Variants in GABRG3 observed in about 807,000 individuals in gnomAD.
GABRG3 encodes gamma-aminobutyric acid receptor subunit gamma-3.
Under a neutral mutation model 48.8 loss-of-function variants are expected in GABRG3, and 25 were observed. That is an observed-to-expected ratio of 0.51 (90% CI 0.37 to 0.72). The LOEUF is 0.72. Among genes scored for constraint, GABRG3 ranks in the 30% least tolerant of loss-of-function variants. GABRG3 has a pLI of 0.00. For synonymous variants in GABRG3, 227 were observed against 217.6 expected (o/e 1.04, Z -0.38); for missense variants, 394 against 577.9 (o/e 0.68, Z 3.26).
chr15:27,382,558 G>A (rs1357980057), intron 5 of GABRG3, among the ~76,000 whole-genome samples: 1 of 152,196 alleles, frequency 6.6e-6, no homozygotes, highest in African/African-American at 2.4e-5. Flanking sequence ...CACAAAAGAG[G>A]CATGACTTGA....
intron 2 of GABRG3, 148 bp downstream of exon 2, chr15:26,977,298 G>C: frequency 1.2e-6 from 1 of 825,978 alleles, no homozygotes; most frequent in Non-Finnish European, 1.9e-6. Flanking sequence ...AACTTAGTGT[G>C]ATACCAAACC....
At chr15:27,512,996 C>T (rs765488464) in intron 6 of GABRG3, among the ~76,000 whole-genome samples, 16 of 152,132 alleles carry the variant, frequency 1.1e-4, no homozygotes, top group Non-Finnish European at 1.9e-4. Context: ...AAATACTTCC[C>T]TATGATCTTG....
Position 27,160,661 on chromosome 15 carries a change from CT to C in GABRG3, c.270+133851del, listed in dbSNP as rs796608170. 7.6e-4 allele frequency among the ~76,000 whole-genome samples: 112 copies of C among 146,650 alleles called. 2 individuals are homozygous for C. Among genetic ancestry groups the C allele is most frequent in the African/African-American group, 1.6e-3 (66 of 40,200 alleles). On this transcript the variant is annotated intron_variant, in intron 3 of 9. Coordinates refer to ENST00000615808, the MANE Select transcript of GABRG3 (RefSeq NM_033223.5). ...TCCTGTTATTTCAATGAACCAGTAA[CT>C]TTTTTTTTTTCTTTTGGAGGATCTT...
chr15:27,516,372 C>T (rs1363411082), intron 6 of GABRG3, among the ~76,000 whole-genome samples: 3 of 152,118 alleles, frequency 2.0e-5, no homozygotes, highest in Admixed American at 6.5e-5. Flanking sequence ...AATTTGTACA[C>T]TTACTTCCTT....
chr15:27,358,706 T>A (rs998164769), intron 5 of GABRG3, among the ~76,000 whole-genome samples: 1 of 152,104 alleles, frequency 6.6e-6, no homozygotes, highest in African/African-American at 2.4e-5. Context: ...CCAGAGAAAG[T>A]ACTGCATAAG....
Position 27,352,041 on chromosome 15 carries a change from GTGTGTGTATGGTA to G in GABRG3, c.574+23163_574+23175del, listed in dbSNP as rs376023036. Among the ~76,000 whole-genome samples the G allele has an allele frequency of 0.012, 1,862 of 150,882 alleles. 36 individuals are homozygous for G. Among genetic ancestry groups the G allele is most frequent in the African/African-American group, 0.043 (1,769 of 41,006 alleles). The stretch of plus-strand genomic sequence containing the variant: ...TTTATGGTGTATGCGTGTATAGTGT[GTGTGTGTATGGTA>G]TGTGTGTATCGTGTGTGTGTGTATG... On this transcript the variant is annotated intron_variant, in intron 5 of 9. Transcript: ENST00000615808. The surrounding 1 kb of genome is among the most constrained non-coding windows in gnomAD (Gnocchi z 4.0).
chr15:27,290,266 G>A (rs978125323), intron 3 of GABRG3, among the ~76,000 whole-genome samples: 10 of 151,924 alleles, frequency 6.6e-5, no homozygotes, highest in African/African-American at 2.2e-4. Context: ...GACATTAGAA[G>A]AAGCAAATCT....
At chr15:27,004,200 T>C (rs1595466873) in intron 2 of GABRG3, among the ~76,000 whole-genome samples, 1 of 141,134 alleles carries the variant, frequency 7.1e-6, no homozygotes, top group African/African-American at 2.7e-5. Context: ...ACGGGGTGGC[T>C]GCCGGGCGGA....
At chr15:27,199,312 A>G (rs931055583) in intron 3 of GABRG3, among the ~76,000 whole-genome samples, 1 of 152,164 alleles carries the variant, frequency 6.6e-6, no homozygotes, top group Non-Finnish European at 1.5e-5. Context: ...TACTGCAACA[A>G]AACAACATTT....
chr15:27,093,595 C>T (rs1566933520), intron 3 of GABRG3, among the ~76,000 whole-genome samples: 1 of 151,950 alleles, frequency 6.6e-6, no homozygotes, highest in African/African-American at 2.4e-5. Flanking sequence ...TATGCATGGT[C>T]GTAGCTATGA....
At chr15:27,055,297 T>A (rs1896526945) in intron 3 of GABRG3, among the ~76,000 whole-genome samples, 1 of 152,118 alleles carries the variant, frequency 6.6e-6, no homozygotes, top group Non-Finnish European at 1.5e-5. Flanking sequence ...GACCAATCAG[T>A]ACAAAAAAAT....
chr15:27,225,448 G>A (rs549552682), intron 3 of GABRG3, among the ~76,000 whole-genome samples: 1 of 152,222 alleles, frequency 6.6e-6, no homozygotes, highest in Admixed American at 6.5e-5. Flanking sequence ...GCTGCCGATT[G>A]TTTAGTCTGA....
intron 5 of GABRG3, among the ~76,000 whole-genome samples, chr15:27,414,205 C>T (rs1378740082): frequency 6.6e-6 from 1 of 152,200 alleles, no homozygotes; most frequent in Non-Finnish European, 1.5e-5. Context: ...TACCTCTTCT[C>T]TCCCCTTGGG....
chr15:27,040,222 G>A (rs1418582005), intron 3 of GABRG3, among the ~76,000 whole-genome samples: 1 of 152,240 alleles, frequency 6.6e-6, no homozygotes, highest in African/African-American at 2.4e-5. Flanking sequence ...GAGCTGCCAG[G>A]CTTCCGTCCA....
chr15:27,130,952 C>A (rs1897905949), intron 3 of GABRG3, among the ~76,000 whole-genome samples: 1 of 151,914 alleles, frequency 6.6e-6, no homozygotes, highest in African/African-American at 2.4e-5. Context: ...AATCTTTAGG[C>A]TTTTCTACAT....
At chr15:27,373,023 T>A (rs1455568019) in intron 5 of GABRG3, among the ~76,000 whole-genome samples, 1 of 152,174 alleles carries the variant, frequency 6.6e-6, no homozygotes, top group Non-Finnish European at 1.5e-5. Context: ...ATGACTTCCC[T>A]TGCCTACTTT....
chr15:27,141,095 A>C (rs1209444610), intron 3 of GABRG3, among the ~76,000 whole-genome samples: 1 of 152,142 alleles, frequency 6.6e-6, no homozygotes, highest in Non-Finnish European at 1.5e-5. Context: ...TTTGGGTGGA[A>C]TAGTGGTGGA....
At chr15:27,159,642 C>T (rs1232017050) in intron 3 of GABRG3, among the ~76,000 whole-genome samples, 1 of 152,102 alleles carries the variant, frequency 6.6e-6, no homozygotes, top group South Asian at 2.1e-4. Context: ...CCTGGAAACG[C>T]TAGACTTTCC....
At chr15:27,172,771 G>A (rs1326430003) in intron 3 of GABRG3, among the ~76,000 whole-genome samples, 2 of 152,064 alleles carry the variant, frequency 1.3e-5, no homozygotes, top group Non-Finnish European at 2.9e-5. Flanking sequence ...GGTTACCCAG[G>A]GCAGATGCCT....
Sources: allele counts gnomAD v4.1 joint callset (sites outside exome capture counted in the v4.1 genomes callset), GRCh38; gene constraint gnomAD v4.1.1; non-coding constraint Gnocchi (gnomAD v3.1); transcripts MANE v1.5; gene names NCBI Gene and HGNC (gene_info 2026-07-23, HGNC 2026-07-21).